Variants in TMEM71 observed in about 807,000 individuals in gnomAD.
TMEM71 encodes the protein transmembrane protein 71.
In TMEM71, 44 loss-of-function variants were observed where a neutral mutation model predicts 38.0. That is an observed-to-expected ratio of 1.16 (90% CI 0.91 to 1.49). TMEM71 has a LOEUF of 1.49. Among genes scored for constraint, TMEM71 ranks in the 40% most tolerant of loss-of-function variants. TMEM71 has a pLI of 0.00. For synonymous variants in TMEM71, 133 were observed against 122.5 expected (o/e 1.09, Z -0.56); for missense variants, 367 against 348.6 (o/e 1.05, Z -0.42).
chr8:132,766,796 TAA>T, the TMEM71 span, among the ~76,000 whole-genome samples: 42,216 of 142,480 alleles, frequency 0.3, 7,228 homozygotes, highest in South Asian at 0.47. Flanking sequence ...AAAAAAAAAA[TAA>T]AAATAAAAAA....
At chr8:132,749,755 C>G (rs1363159533) in intron 4 of TMEM71, among the ~76,000 whole-genome samples, 1 of 152,164 alleles carries the variant, frequency 6.6e-6, no homozygotes, top group Non-Finnish European at 1.5e-5. Flanking sequence ...GTGGCTCACA[C>G]CTGTAATCCC....
At chr8:132,770,638 A>G in the TMEM71 span, among the ~76,000 whole-genome samples, 10 of 152,228 alleles carry the variant, frequency 6.6e-5, no homozygotes, top group African/African-American at 2.2e-4. Context: ...TCACTGAATC[A>G]AACTCACACA....
chr8:132,727,141 G>T (rs1323825974), intron 6 of TMEM71, among the ~76,000 whole-genome samples: 1 of 152,100 alleles, frequency 6.6e-6, no homozygotes, highest in African/African-American at 2.4e-5. Flanking sequence ...ACAGGTGTGA[G>T]CCACTGTGCC....
intron 3 of TMEM71, among the ~76,000 whole-genome samples, chr8:132,753,445 G>GA (rs1484681247): frequency 2.0e-5 from 3 of 152,102 alleles, no homozygotes; most frequent in African/African-American, 7.2e-5. Flanking sequence ...TATGCTTCCA[G>GA]AAAATCACAG....
chr8:132,717,441 T>C (rs1826595129), intron 7 of TMEM71, among the ~76,000 whole-genome samples: 1 of 152,230 alleles, frequency 6.6e-6, no homozygotes, highest in South Asian at 2.1e-4. Context: ...TGAATAGACA[T>C]TTCTGTAAAA....
chr8:132,773,037 T>G, the TMEM71 span, among the ~76,000 whole-genome samples: 1 of 152,318 alleles, frequency 6.6e-6, no homozygotes, highest in African/African-American at 2.4e-5. Flanking sequence ...CCAAAAATAC[T>G]TATATGTGAA....
intron 6 of TMEM71, among the ~76,000 whole-genome samples, chr8:132,724,280 G>A (rs1827009929): frequency 6.6e-6 from 1 of 152,126 alleles, no homozygotes; most frequent in Admixed American, 6.5e-5. Flanking sequence ...TAAGCCTGAG[G>A]GTACTGCAGG....
intron 4 of TMEM71, among the ~76,000 whole-genome samples, chr8:132,751,480 G>A (rs140641512): frequency 1.6e-4 from 25 of 152,258 alleles, no homozygotes; most frequent in East Asian, 1.2e-3. Flanking sequence ...CCTGGCACCC[G>A]TATTATTTCA....
At chr8:132,725,631 G>C (rs1317854468) in intron 6 of TMEM71, among the ~76,000 whole-genome samples, 1 of 152,174 alleles carries the variant, frequency 6.6e-6, no homozygotes, top group African/African-American at 2.4e-5. Context: ...TACATGTGAA[G>C]GGCTTAATGG....
chr8:132,707,371 G>C (rs1826109426), downstream of TMEM71, among the ~76,000 whole-genome samples: 1 of 152,102 alleles, frequency 6.6e-6, no homozygotes. Context: ...GTTCTTAAAA[G>C]GGCATGCTAT....
intron 5 of TMEM71, among the ~76,000 whole-genome samples, chr8:132,743,015 C>G (rs1828133156): frequency 1.3e-5 from 2 of 152,128 alleles, no homozygotes; most frequent in African/African-American, 4.8e-5. Context: ...GACGTATTCA[C>G]TATCACGAAA....
rs548087395 is a variant in TMEM71 at position 132,711,085 on chromosome 8, C to G, written c.873-103G>C. On this transcript the variant is annotated intron_variant, in intron 9 of 9. Coordinates refer to ENST00000677595, the MANE Select transcript of TMEM71 (RefSeq NM_001382403.1). ...CCATTTGCGCATATATAAGCACACA[C>G]CCACACCCATACCCACAACGGGCCT... 161 of 1,034,100 alleles carry G rather than the reference C, an allele frequency of 1.6e-4. No homozygotes were observed. In the South Asian group the frequency reaches 1.7e-3, roughly 11 times the overall value. The allele number at this position is 1,034,100 out of a possible 1,614,324, so 64.1% of individuals were successfully genotyped here. A position where few individuals can be genotyped will look rare whatever the true frequency, so the allele number is the denominator to read the frequency against.
downstream of TMEM71, among the ~76,000 whole-genome samples, chr8:132,708,166 A>G (rs10956680): frequency 0.14 from 21,481 of 152,168 alleles, 1,715 homozygotes; most frequent in East Asian, 0.3. Context: ...CTGCTAGACT[A>G]CAATAACAAA....
At chr8:132,741,947 T>G (rs1828064984) in intron 5 of TMEM71, among the ~76,000 whole-genome samples, 1 of 152,232 alleles carries the variant, frequency 6.6e-6, no homozygotes, top group South Asian at 2.1e-4. Context: ...CCGCTAAACC[T>G]CGGTCCACCT....
At chr8:132,711,325 A>C (rs1322660202) in intron 9 of TMEM71, among the ~76,000 whole-genome samples, 1 of 152,128 alleles carries the variant, frequency 6.6e-6, no homozygotes, top group Non-Finnish European at 1.5e-5. Flanking sequence ...CAGTATTTTA[A>C]TTGCACTTTA....
intron 3 of TMEM71, among the ~76,000 whole-genome samples, chr8:132,754,835 A>G (rs930696326): frequency 7.9e-5 from 12 of 152,228 alleles, no homozygotes; most frequent in African/African-American, 2.9e-4. Context: ...TAGTACAGGT[A>G]GAAATTTGAG....
At chr8:132,738,588 C>T (rs1164832963) in intron 5 of TMEM71, among the ~76,000 whole-genome samples, 1 of 152,138 alleles carries the variant, frequency 6.6e-6, no homozygotes, top group Admixed American at 6.5e-5. Context: ...CATCACCCTG[C>T]TTAAGAGAAT....
At chr8:132,773,479 G>A in the TMEM71 span, among the ~76,000 whole-genome samples, 5 of 152,152 alleles carry the variant, frequency 3.3e-5, no homozygotes, top group African/African-American at 1.2e-4. Flanking sequence ...AGAATCTGTT[G>A]TTCTTTATGT....
chr8:132,752,092 T>C, intron 3 of TMEM71, 95 bp from the exon 4 acceptor site: 3 of 1,014,182 alleles, frequency 3.0e-6, no homozygotes, highest in Non-Finnish European at 4.5e-6. Flanking sequence ...AATAACATCT[T>C]TGCATCCATG....
Sources: allele counts gnomAD v4.1 joint callset (sites outside exome capture counted in the v4.1 genomes callset), GRCh38; gene constraint gnomAD v4.1.1; transcripts MANE v1.5; gene names NCBI Gene and HGNC (gene_info 2026-07-23, HGNC 2026-07-21).